Variants in MED13 observed in about 807,000 individuals in gnomAD.
MED13 encodes mediator complex subunit 13.
In MED13, 23 loss-of-function variants were observed where a neutral mutation model predicts 225.2. The ratio of observed to expected loss-of-function variants is 0.10; its 90% confidence interval spans 0.07 to 0.14. The LOEUF (loss-of-function observed/expected upper bound fraction) is 0.14, where lower values mean the gene tolerates loss of function less well. MED13 is among the 10% of genes least tolerant of loss of function. MED13 has a pLI of 1.00. For missense variants in MED13, 2,197 were observed against 2,594.5 expected (o/e 0.85, Z 3.33); for synonymous variants, 942 against 889.2 (o/e 1.06, Z -1.06).
intron 28 of MED13, 22 bp from the exon 29 acceptor site, chr17:61,947,039 A>G (rs1018870865): frequency 4.5e-6 from 7 of 1,541,712 alleles, no homozygotes; most frequent in Non-Finnish European, 6.3e-6. Flanking sequence ...ACAGGTAATC[A>G]ATCAGTCAGC....
intron 2 of MED13, among the ~76,000 whole-genome samples, chr17:62,062,801 T>C (rs2081051734): frequency 6.6e-6 from 1 of 152,268 alleles, no homozygotes; most frequent in East Asian, 1.9e-4. Flanking sequence ...TAACATGCCT[T>C]CTTCGGGCCC....
Position 61,982,496 on chromosome 17 carries a change from G to C in MED13, c.3507C>G (p.Thr1169=). 6.2e-7 allele frequency: 1 copy of C among 1,614,162 alleles called. No homozygotes were observed. Among genetic ancestry groups the C allele is most frequent in the Non-Finnish European group, 8.5e-7 (1 of 1,180,030 alleles). The change falls in exon 16 of 30, where the codon ACC becomes ACG. Residue 1169 remains threonine, a synonymous_variant. Coordinates refer to ENST00000397786, the MANE Select transcript of MED13 (RefSeq NM_005121.3). ...GTCCTCCATTAACATGTTCAGCAGA[G>C]GTAGCCCTGAGAGCTTCAAAACGTT... ...AEKRFEALRA[T]SAEHVNGGLK...
At chr17:62,040,738 G>A (rs892843421) in intron 3 of MED13, among the ~76,000 whole-genome samples, 14 of 152,142 alleles carry the variant, frequency 9.2e-5, no homozygotes, top group African/African-American at 1.9e-4. Context: ...TTCAAAAGTC[G>A]TTTCTCCAAA....
chr17:62,011,004 G>C lies in MED13; in HGVS notation c.1513C>G (p.Gln505Glu), dbSNP rs1300242966. Residue 505 changes from glutamine to glutamate, a missense_variant, in exon 9 of 30, where the codon CAA becomes GAA. By Grantham distance (29) the Gln-to-Glu change is conservative. Coordinates refer to ENST00000397786, the MANE Select transcript of MED13 (RefSeq NM_005121.3). ...GTTCGGATATTTGAAAATCTCACTT[G>C]ACTGTCTGGAGCAGAGATCACAAGT... ...QRLVISAPDS[Q>E]VRFSNIRTND... The C allele has an allele frequency of 6.2e-7, 1 of 1,613,742 alleles. No individual in the cohort carries two copies. Among genetic ancestry groups the C allele is most frequent in the Admixed American group, 1.7e-5 (1 of 60,014 alleles).
chr17:61,952,917 A>G (rs1488128976), intron 27 of MED13, 48 bp downstream of exon 27: 2 of 1,585,734 alleles, frequency 1.3e-6, no homozygotes, highest in South Asian at 2.3e-5. Context: ...TTTTAGGCGT[A>G]AGCCACTGCG....
At chr17:62,003,280 T>C (rs1464481568) in intron 9 of MED13, among the ~76,000 whole-genome samples, 4 of 152,112 alleles carry the variant, frequency 2.6e-5, no homozygotes, top group Non-Finnish European at 5.9e-5. Context: ...ATCTAATCTA[T>C]TATCATACTA....
rs762213701 is a variant in MED13 at position 61,983,908 on chromosome 17, T to C, written c.2888+263A>G. On this transcript the variant is annotated intron_variant, in intron 15 of 29. Transcript: ENST00000397786. ...CACGCTTGGCTAATTTTTGTATTTT[T>C]AGTAGAGACGAGGTTTCGTATGTTG... Among the ~76,000 whole-genome samples the C allele has an allele frequency of 8.6e-5, 13 of 152,008 alleles. 1 individual carries two copies. Among genetic ancestry groups the C allele is most frequent in the Non-Finnish European group, 1.8e-4 (12 of 67,998 alleles).
intron 23 of MED13, among the ~76,000 whole-genome samples, chr17:61,957,281 G>A (rs915001522): frequency 7.2e-5 from 11 of 151,860 alleles, no homozygotes; most frequent in African/African-American, 2.7e-4. Context: ...CCCGACCTCA[G>A]GTGATCCTGT....
chr17:62,063,244 G>A lies in MED13; in HGVS notation c.124C>T (p.Pro42Ser), dbSNP rs778909357. Residue 42 changes from proline to serine, a missense_variant, in exon 2 of 30, where the codon CCT (proline) becomes TCT (serine). Transcript: ENST00000397786. ...KYVWQGPTSA[P>S]ILFPVTEEDP... ...TCTTCTGTCACAGGAAACAGAATAG[G>A]GGCAGAAGTTGGGCCTTGCCATACA... 3.7e-6 allele frequency: 6 copies of A among 1,613,956 alleles called. No individual in the cohort carries two copies. The Admixed American group carries it at 8.3e-5, about 22-fold the overall frequency.
At chr17:61,999,536 G>T (rs8066964) in intron 9 of MED13, among the ~76,000 whole-genome samples, 1 of 151,922 alleles carries the variant, frequency 6.6e-6, no homozygotes, top group Non-Finnish European at 1.5e-5. Context: ...TATTTGCCAC[G>T]TGTATCTTAT....
At chr17:61,978,381 A>G (rs2080175026) in intron 16 of MED13, among the ~76,000 whole-genome samples, 2 of 152,068 alleles carry the variant, frequency 1.3e-5, no homozygotes, top group Non-Finnish European at 2.9e-5. Context: ...CCTCCCGAGT[A>G]GCTGGGATTA....
chr17:61,952,219 G>T (rs2079902725), intron 27 of MED13, among the ~76,000 whole-genome samples: 1 of 152,080 alleles, frequency 6.6e-6, no homozygotes, highest in Non-Finnish European at 1.5e-5. Flanking sequence ...AAATAGAGAG[G>T]TGTTATTAAC....
chr17:62,060,616 GCCCGC>G, intron 2 of MED13, among the ~76,000 whole-genome samples: 2 of 144,826 alleles, frequency 1.4e-5, no homozygotes, highest in Middle Eastern at 7.3e-3. Flanking sequence ...CTGCACTCCA[GCCCGC>G]GGGACAGAAT....
chr17:62,019,462 T>A (rs1206760394), intron 8 of MED13, among the ~76,000 whole-genome samples: 1 of 152,204 alleles, frequency 6.6e-6, no homozygotes, highest in Non-Finnish European at 1.5e-5. Flanking sequence ...GACAAAAAAG[T>A]TTGAGAATTA....
chr17:61,979,320 T>G (rs2080183670), intron 16 of MED13, among the ~76,000 whole-genome samples: 1 of 152,160 alleles, frequency 6.6e-6, no homozygotes, highest in Non-Finnish European at 1.5e-5. Context: ...TGGCCATTTT[T>G]TTCTTTTTGA....
At chr17:62,032,943 A>G (rs1184150241) in intron 5 of MED13, among the ~76,000 whole-genome samples, 1 of 152,174 alleles carries the variant, frequency 6.6e-6, no homozygotes, top group African/African-American at 2.4e-5. Context: ...TGAGGTCAGG[A>G]ATTTGAGACC....
intron 20 of MED13, among the ~76,000 whole-genome samples, chr17:61,964,148 C>T (rs1231463101): frequency 6.6e-6 from 1 of 152,158 alleles, no homozygotes; most frequent in African/African-American, 2.4e-5. Context: ...GACAATTATG[C>T]CACAGAAGAC....
chr17:61,951,990 C>CG (rs1437359304), intron 27 of MED13, among the ~76,000 whole-genome samples: 3 of 152,044 alleles, frequency 2.0e-5, no homozygotes, highest in Non-Finnish European at 4.4e-5. Flanking sequence ...CTCCACCTCC[C>CG]GGGTTCACAC....
intron 2 of MED13, among the ~76,000 whole-genome samples, chr17:62,061,000 G>A (rs1238808774): frequency 6.6e-6 from 1 of 152,056 alleles, no homozygotes; most frequent in East Asian, 1.9e-4. Flanking sequence ...ATGGCACCCA[G>A]CTGATCACTA....
Sources: allele counts gnomAD v4.1 joint callset (sites outside exome capture counted in the v4.1 genomes callset), GRCh38; gene constraint gnomAD v4.1.1; transcripts MANE v1.5; gene names NCBI Gene and HGNC (gene_info 2026-07-23, HGNC 2026-07-21).